Variants in OTULINL observed in about 807,000 individuals in gnomAD.
OTULINL encodes OTU deubiquitinase with linear linkage specificity like, also known as inactive ubiquitin thioesterase OTULINL.
Under a neutral mutation model 43.9 loss-of-function variants are expected in OTULINL, and 42 were observed. That is an observed-to-expected ratio of 0.96 (90% CI 0.75 to 1.24). The LOEUF (loss-of-function observed/expected upper bound fraction) is 1.24. Ranked by LOEUF, OTULINL falls within the 50% of genes most tolerant of loss-of-function variation. The pLI, the probability that OTULINL is intolerant of heterozygous loss-of-function variation, is 0.00. For synonymous variants in OTULINL, 172 were observed against 153.6 expected, an observed-to-expected ratio of 1.12 and a Z score of -0.88; for missense variants, 411 against 426.4, an observed-to-expected ratio of 0.96 and a Z score of 0.32.
chr5:14,607,745 TGTG>T (rs1454181577), intron 6 of OTULINL, among the ~76,000 whole-genome samples: 1 of 152,156 alleles, frequency 6.6e-6, no homozygotes, highest in Non-Finnish European at 1.5e-5. Context: ...CCCAGAAAAA[TGTG>T]GTGCAAGTCC....
chr5:14,607,258 G>GTGC, intron 5 of OTULINL, 72 bp from the exon 6 acceptor site: 2 of 1,494,722 alleles, frequency 1.3e-6, no homozygotes, highest in Non-Finnish European at 1.8e-6. Context: ...GTTGTGTGCT[G>GTGC]TGCTATACAG....
chr5:14,590,533 G>A (rs188678271), intron 1 of OTULINL, among the ~76,000 whole-genome samples: 1 of 152,328 alleles, frequency 6.6e-6, no homozygotes, highest in East Asian at 1.9e-4. Context: ...ATAGGCCCAT[G>A]TAAAGGTATA....
chr5:14,603,966 C>T (rs1759430901), intron 5 of OTULINL, among the ~76,000 whole-genome samples: 1 of 152,138 alleles, frequency 6.6e-6, no homozygotes, highest in Non-Finnish European at 1.5e-5. Context: ...AGTTCCATTT[C>T]ATCTAGCAAA....
intron 5 of OTULINL, among the ~76,000 whole-genome samples, chr5:14,605,654 T>C (rs1330437663): frequency 6.6e-6 from 1 of 152,202 alleles, no homozygotes; most frequent in Non-Finnish European, 1.5e-5. Flanking sequence ...TTCTGAATGC[T>C]TTGCTGCTTA....
intron 1 of OTULINL, among the ~76,000 whole-genome samples, chr5:14,591,716 G>T (rs1480593175): frequency 6.6e-6 from 1 of 152,086 alleles, no homozygotes; most frequent in East Asian, 1.9e-4. Flanking sequence ...ACAGCAGGTT[G>T]AATGTGAGTC....
intron 5 of OTULINL, among the ~76,000 whole-genome samples, chr5:14,606,483 T>G (rs1203354123): frequency 6.6e-6 from 1 of 152,158 alleles, no homozygotes; most frequent in Non-Finnish European, 1.5e-5. Flanking sequence ...GATGGGAAAA[T>G]GTATTGGATA....
At chr5:14,584,788 G>A (rs1005356240) in intron 1 of OTULINL, among the ~76,000 whole-genome samples, 4 of 152,092 alleles carry the variant, frequency 2.6e-5, no homozygotes, top group African/African-American at 9.7e-5. Context: ...TATATTCCTC[G>A]ATATCCTGGA....
intron 5 of OTULINL, among the ~76,000 whole-genome samples, chr5:14,603,887 T>C (rs149242666): frequency 1.3e-5 from 2 of 152,124 alleles, no homozygotes; most frequent in East Asian, 1.9e-4. Flanking sequence ...ATATAAAATA[T>C]GTGTGTGTGT....
intron 5 of OTULINL, among the ~76,000 whole-genome samples, chr5:14,606,862 C>A (rs773030631): frequency 7.9e-5 from 12 of 152,228 alleles, no homozygotes; most frequent in South Asian, 4.2e-4. Flanking sequence ...TAAAAATAAC[C>A]TGAGGCACAA....
At chr5:14,599,344 C>G (rs981685472) in intron 1 of OTULINL, among the ~76,000 whole-genome samples, 1 of 152,022 alleles carries the variant, frequency 6.6e-6, no homozygotes, top group Non-Finnish European at 1.5e-5. Context: ...AAAAACTAGT[C>G]GGGCATGGTG....
At position 14,608,825 on chromosome 5, in the gene OTULINL, G is replaced by C. The variant is rs1211509707; in HGVS notation, c.705G>C (p.Leu235=). 2 of 1,613,632 alleles carry C rather than the reference G, an allele frequency of 1.2e-6. No individual in the cohort carries two copies. The highest frequency in any genetic ancestry group is 2.7e-5 in the African/African-American group (2 of 74,910). ...MCNTLFSDAI[L]EYKLYEALKF... ...ACACCCTTTTTTCAGATGCCATTCT[G>C]GAATATAAACTTTATGAAGCTTTAA... The change falls in exon 7 of 8, where the codon CTG becomes CTC. Residue 235 remains leucine, a synonymous_variant. Transcript: ENST00000274217.
chr5:14,601,306 G>GA, intron 3 of OTULINL, 45 bp from the exon 4 acceptor site: 1 of 1,610,426 alleles, frequency 6.2e-7, no homozygotes, highest in Non-Finnish European at 8.5e-7. Flanking sequence ...CAAGAAGGGA[G>GA]AAGAAAGGGA....
chr5:14,610,035 C>G, intron 7 of OTULINL, 106 bp from the exon 8 acceptor site: 1 of 964,316 alleles, frequency 1.0e-6, no homozygotes, highest in Non-Finnish European at 1.6e-6. Flanking sequence ...GGTCTGTCAA[C>G]AAGCAGATTA....
intron 1 of OTULINL, among the ~76,000 whole-genome samples, chr5:14,588,063 G>C (rs1450315007): frequency 2.6e-5 from 4 of 152,174 alleles, no homozygotes; most frequent in African/African-American, 9.7e-5. Flanking sequence ...GAACTTCCAA[G>C]GGTCGGGGTA....
intron 5 of OTULINL, among the ~76,000 whole-genome samples, chr5:14,604,897 G>A (rs576637116): frequency 1.3e-5 from 2 of 152,310 alleles, no homozygotes; most frequent in African/African-American, 4.8e-5. Context: ...AGTGTCAAGT[G>A]CCTGTGGCTT....
chr5:14,586,694 T>C (rs917226039), intron 1 of OTULINL, among the ~76,000 whole-genome samples: 1 of 152,170 alleles, frequency 6.6e-6, no homozygotes, highest in Non-Finnish European at 1.5e-5. Context: ...GTGAGTCTTC[T>C]AACAGTGGGA....
At chr5:14,598,754 C>G (rs1279144871) in intron 1 of OTULINL, among the ~76,000 whole-genome samples, 1 of 152,096 alleles carries the variant, frequency 6.6e-6, no homozygotes, top group African/African-American at 2.4e-5. Flanking sequence ...ACAGTTTATA[C>G]TGAAATATTA....
At chr5:14,583,771 A>C (rs538490428) in intron 1 of OTULINL, among the ~76,000 whole-genome samples, 1 of 152,348 alleles carries the variant, frequency 6.6e-6, no homozygotes, top group Non-Finnish European at 1.5e-5. Flanking sequence ...CAAAACAAAA[A>C]TAAAACCAGT....
At chr5:14,587,341 T>A (rs1026836826) in intron 1 of OTULINL, among the ~76,000 whole-genome samples, 5 of 152,082 alleles carry the variant, frequency 3.3e-5, no homozygotes, top group African/African-American at 1.2e-4. Context: ...GAATGGCTGA[T>A]AGGAAGGGGA....
Sources: allele counts gnomAD v4.1 joint callset (sites outside exome capture counted in the v4.1 genomes callset), GRCh38; gene constraint gnomAD v4.1.1; transcripts MANE v1.5; gene names NCBI Gene and HGNC (gene_info 2026-07-23, HGNC 2026-07-21).